CNTNAP5: variants seen among roughly 807,000 people sequenced by gnomAD.
CNTNAP5 encodes contactin associated protein family member 5.
CNTNAP5 carries 72 observed loss-of-function variants against 150.2 expected under a neutral mutation model. That is an observed-to-expected ratio of 0.48 (90% CI 0.40 to 0.58). The LOEUF (loss-of-function observed/expected upper bound fraction) is 0.58, where lower values mean the gene tolerates loss of function less well. Ranked by LOEUF, CNTNAP5 falls within the 20% of genes least tolerant of loss-of-function variation. CNTNAP5 has a pLI of 0.00. For synonymous variants in CNTNAP5, 672 were observed against 619.8 expected (o/e 1.08, Z -1.25); for missense variants, 1,636 against 1,626.2 (o/e 1.01, Z -0.10).
At chr2:124,262,163 T>A (rs1221585580) in intron 3 of CNTNAP5, among the ~76,000 whole-genome samples, 2 of 152,086 alleles carry the variant, frequency 1.3e-5, no homozygotes, top group Non-Finnish European at 2.9e-5. Context: ...GAGAATGGCT[T>A]AAGCCCAGGA....
At chr2:124,362,283 G>T (rs546505566) in intron 3 of CNTNAP5, among the ~76,000 whole-genome samples, 15 of 152,280 alleles carry the variant, frequency 9.9e-5, no homozygotes, top group Middle Eastern at 6.8e-3. Flanking sequence ...CGTCGCTCAC[G>T]CTGGGAGCTG....
chr2:124,689,483 G>A (rs1332748228), intron 13 of CNTNAP5, among the ~76,000 whole-genome samples: 1 of 152,066 alleles, frequency 6.6e-6, no homozygotes, highest in Admixed American at 6.6e-5. Flanking sequence ...ATAGTATCTG[G>A]TATTTGCATG....
intron 1 of CNTNAP5, among the ~76,000 whole-genome samples, chr2:124,188,643 CAG>C (rs1192795246): frequency 7.0e-6 from 1 of 142,546 alleles, no homozygotes; most frequent in African/African-American, 2.6e-5. Flanking sequence ...GGCGTGAACC[CAG>C]GAGGCAGAGC....
chr2:124,257,756 G>T (rs1006566147), intron 3 of CNTNAP5, among the ~76,000 whole-genome samples: 2 of 150,932 alleles, frequency 1.3e-5, no homozygotes, highest in East Asian at 3.9e-4. Context: ...TGCTCCATGC[G>T]AGTTAGTCTT....
At chr2:124,403,548 G>GAA (rs1259151164) in intron 3 of CNTNAP5, among the ~76,000 whole-genome samples, 3 of 152,068 alleles carry the variant, frequency 2.0e-5, no homozygotes, top group Non-Finnish European at 2.9e-5. Flanking sequence ...GACTGATTTT[G>GAA]AAAAAAGTAC....
rs942797873 is a variant in CNTNAP5 at position 124,920,224 on chromosome 2, C to T, written c.*5936C>T. Among the ~76,000 whole-genome samples the T allele has an allele frequency of 3.3e-5, 5 of 152,108 alleles. No individual in the cohort carries two copies. The highest frequency in any genetic ancestry group is 7.4e-5 in the Non-Finnish European group (5 of 68,008). ...TATTTTAACGAGTGTCATAGTCTTA[C>T]ATGCTTCAGATGCCAGAAATATCTT... On this transcript the variant is annotated 3_prime_UTR_variant, in exon 24 of 24. Transcript: ENST00000682447.
rs142426131 is a variant in CNTNAP5, at chr2:124,480,098, A to G, written c.1062+5216A>G. On this transcript the variant is annotated intron_variant, in intron 7 of 23. Coordinates refer to ENST00000682447, the MANE Select transcript of CNTNAP5 (RefSeq NM_001367498.1). ...AGTCACATACAGTTCCAAATAATAA[A>G]AGTTGATTGGAGATAGCTCCTGTTC... Among the ~76,000 whole-genome samples, 177 of 152,272 alleles carry G rather than the reference A, an allele frequency of 1.2e-3. 1 individual carries two copies. The highest frequency in any genetic ancestry group is 3.8e-3 in the African/African-American group (160 of 41,568).
chr2:124,738,955 T>C (rs187941024), intron 13 of CNTNAP5, among the ~76,000 whole-genome samples: 1 of 152,242 alleles, frequency 6.6e-6, no homozygotes, highest in East Asian at 1.9e-4. Context: ...TTTTATATTC[T>C]CCTACAAAAA....
intron 19 of CNTNAP5, among the ~76,000 whole-genome samples, chr2:124,815,612 A>G (rs1001502637): frequency 5.9e-5 from 9 of 152,176 alleles, no homozygotes; most frequent in Non-Finnish European, 7.3e-5. Flanking sequence ...TTACAACTAC[A>G]TTGCACCCTG....
intron 19 of CNTNAP5, among the ~76,000 whole-genome samples, chr2:124,863,473 G>A (rs111417266): frequency 6.6e-5 from 10 of 152,142 alleles, no homozygotes; most frequent in Non-Finnish European, 1.2e-4. Flanking sequence ...GGAAATCTGC[G>A]TGGTCAGAAC....
At chr2:124,318,710 A>G (rs935096189) in intron 3 of CNTNAP5, among the ~76,000 whole-genome samples, 5 of 152,174 alleles carry the variant, frequency 3.3e-5, no homozygotes, top group Admixed American at 6.5e-5. Context: ...GCTCAATCCA[A>G]TGTTAATCCT....
At chr2:124,408,706 A>C (rs1691663479) in intron 3 of CNTNAP5, among the ~76,000 whole-genome samples, 1 of 150,936 alleles carries the variant, frequency 6.6e-6, no homozygotes, top group Admixed American at 6.6e-5. Context: ...TAACAAACAG[A>C]AAGGACATCC....
At position 124,721,648 on chromosome 2, in the gene CNTNAP5, C is replaced by T. The variant is rs78979140; in HGVS notation, c.2078-25581C>T. On this transcript the variant is annotated intron_variant, in intron 13 of 23. Coordinates refer to ENST00000682447, the MANE Select transcript of CNTNAP5 (RefSeq NM_001367498.1). ...AAAACAAACCAGCAAATGTATTACC[C>T]TATTTATTTTCACAAATACTACTTT... Among the ~76,000 whole-genome samples the T allele has an allele frequency of 3.0e-3, 452 of 152,048 alleles. 3 individuals are homozygous for T. Among genetic ancestry groups the T allele is most frequent in the African/African-American group, 0.01 (429 of 41,462 alleles).
intron 1 of CNTNAP5, among the ~76,000 whole-genome samples, chr2:124,186,273 T>C (rs1043845772): frequency 2.6e-5 from 4 of 152,242 alleles, no homozygotes; most frequent in Non-Finnish European, 4.4e-5. Context: ...ATCTATTCTA[T>C]AGTTGTGTGT....
At position 124,597,855 on chromosome 2, in the gene CNTNAP5, T is replaced by C. The variant is rs1573485592; in HGVS notation, c.1757-11946T>C. 4.8e-5 allele frequency among the ~76,000 whole-genome samples: 7 copies of C among 146,690 alleles called. No homozygotes were observed. The South Asian group carries it at 1.6e-3, about 33-fold the overall frequency. On this transcript the variant is annotated intron_variant, in intron 11 of 23. Transcript: ENST00000682447. ...GCTTTGCTCATTTCTTTTTATTCTT[T>C]TTTCTCTAAACTTCCCTTCTTGCTT...
At position 124,121,203 on chromosome 2, in the gene CNTNAP5, G is replaced by A. The variant is rs538969355; in HGVS notation, c.82+95471G>A. Among the ~76,000 whole-genome samples the A allele has an allele frequency of 4.6e-5, 7 of 151,992 alleles. No individual in the cohort carries two copies. In the East Asian group the frequency reaches 7.7e-4, roughly 17 times the overall value. On this transcript the variant is annotated intron_variant, in intron 1 of 23. Transcript: ENST00000682447. ...ACACGCATACAGATGCATACAATTT[G>A]TGGCCTTTGCTTTGAATGAAATAAG...
chr2:124,603,229 A>C (rs1031879298), intron 11 of CNTNAP5, among the ~76,000 whole-genome samples: 1 of 152,194 alleles, frequency 6.6e-6, no homozygotes, highest in Admixed American at 6.5e-5. Context: ...TTGTAGATTT[A>C]ACTAATTGCA....
intron 13 of CNTNAP5, among the ~76,000 whole-genome samples, chr2:124,657,072 C>T (rs920787503): frequency 9.2e-5 from 14 of 152,248 alleles, no homozygotes; most frequent in South Asian, 2.1e-4. Context: ...CATTATCCAG[C>T]GGCAAGGAGA....
intron 21 of CNTNAP5, among the ~76,000 whole-genome samples, chr2:124,883,457 T>C (rs1022762283): frequency 7.2e-5 from 11 of 152,012 alleles, no homozygotes; most frequent in African/African-American, 2.7e-4. Flanking sequence ...GTCATGTGTG[T>C]GGGTAGAGTG....
Sources: gnomAD v4.1 joint callset for allele counts (sites outside exome capture counted in the v4.1 genomes callset) on GRCh38, gnomAD v4.1.1 for gene constraint, MANE v1.5 for transcripts, NCBI Gene and HGNC (gene_info 2026-07-23, HGNC 2026-07-21) for gene names.